NHS: variants seen among roughly 807,000 people sequenced by gnomAD.
NHS encodes the protein NHS actin remodeling regulator, also known as actin remodeling regulator NHS.
Under a neutral mutation model 72.5 loss-of-function variants are expected in NHS, and 5 were observed. The ratio of observed to expected loss-of-function variants is 0.07; its 90% confidence interval spans 0.04 to 0.14. The LOEUF (loss-of-function observed/expected upper bound fraction) is 0.14, where lower values mean the gene tolerates loss of function less well. Among genes scored for constraint, NHS ranks in the 10% least tolerant of loss-of-function variants. The pLI, the probability that NHS is intolerant of heterozygous loss-of-function variation, is 1.00. For synonymous variants in NHS, 464 were observed against 547.7 expected (o/e 0.85, Z 2.13); for missense variants, 1,072 against 1,355.7 (o/e 0.79, Z 3.29).
Position 17,635,624 on chromosome X carries a change from T to C in NHS, c.566-52118T>C, listed in dbSNP as rs185269921. Reference sequence around the variant, plus strand: ...AGGTATTTGGGGTTTGCAGCATTTCTTGGCAAGACAAAGGGGAGGGGGAGG... The same window carrying C: ...AGGTATTTGGGGTTTGCAGCATTTCCTGGCAAGACAAAGGGGAGGGGGAGG... On this transcript the variant is annotated intron_variant, in intron 1 of 8. Transcript: ENST00000676302. The C allele has an allele frequency of 1.3e-4, 147 of 1,161,850 alleles. 1 individual carries two copies. Among genetic ancestry groups the C allele is most frequent in the Non-Finnish European group, 1.5e-4 (128 of 869,054 alleles).
chrX:17,486,773 A>C (rs758813182), intron 1 of NHS, among the ~76,000 whole-genome samples: 14 of 112,289 alleles, frequency 1.2e-4, no homozygotes, highest in Admixed American at 3.8e-4. Flanking sequence ...AATGAGCAAT[A>C]AACAAACTAC....
intron 1 of NHS, among the ~76,000 whole-genome samples, chrX:17,394,043 T>C (rs887546253): frequency 3.6e-5 from 4 of 111,418 alleles, no homozygotes; most frequent in Non-Finnish European, 7.5e-5. Flanking sequence ...GGTCCCTCAC[T>C]GTTTGGTTTG....
At chrX:17,704,305 AT>A (rs1344439785) in intron 3 of NHS, among the ~76,000 whole-genome samples, 3 of 107,251 alleles carry the variant, frequency 2.8e-5, no homozygotes, top group Non-Finnish European at 3.9e-5. Flanking sequence ...TTAAAAAAAA[AT>A]TTTTTTTTGA....
At chrX:17,478,711 A>G (rs934554385) in intron 1 of NHS, among the ~76,000 whole-genome samples, 1 of 111,231 alleles carries the variant, frequency 9.0e-6, no homozygotes, top group African/African-American at 3.3e-5. Flanking sequence ...AAGAATTCCC[A>G]TAGATTAACT....
rs999959527 is a variant in NHS, at chrX:17,672,278, C to T, written c.566-15464C>T. ...TGGAATTGAAGGATGCAGATTCCTT[C>T]CATCTTAGGAATCTACTGTCTTCAG... On this transcript the variant is annotated intron_variant, in intron 1 of 8. Coordinates refer to ENST00000676302, the MANE Select transcript of NHS (RefSeq NM_001291867.2). Among the ~76,000 whole-genome samples, 3 of 111,714 alleles carry T rather than the reference C, an allele frequency of 2.7e-5. No homozygotes were observed. In the South Asian group the frequency reaches 1.1e-3, roughly 43 times the overall value.
At chrX:17,432,594 C>T (rs933317350) in intron 1 of NHS, among the ~76,000 whole-genome samples, 8 of 112,493 alleles carry the variant, frequency 7.1e-5, no homozygotes, top group African/African-American at 9.7e-5. Context: ...AGATGCAACC[C>T]CTTCTCCAGA....
chrX:17,643,919 G>A (rs762999441), intron 1 of NHS, among the ~76,000 whole-genome samples: 37 of 111,853 alleles, frequency 3.3e-4, no homozygotes, highest in African/African-American at 1.2e-3. Flanking sequence ...AAGAGATGGT[G>A]TTTTTCCATG....
chrX:17,509,132 A>G (rs1601739542), intron 1 of NHS, among the ~76,000 whole-genome samples: 1 of 112,014 alleles, frequency 8.9e-6, no homozygotes, highest in South Asian at 3.7e-4. Flanking sequence ...TTAAAGTATC[A>G]GCTGCTCTCC....
chrX:17,438,725 G>T, intron 1 of NHS, among the ~76,000 whole-genome samples: 1 of 111,836 alleles, frequency 8.9e-6, no homozygotes, highest in East Asian at 2.8e-4. Flanking sequence ...TATAAAATGG[G>T]GATGTCTTCA....
intron 1 of NHS, among the ~76,000 whole-genome samples, chrX:17,569,105 G>T (rs931989468): frequency 3.6e-5 from 4 of 111,642 alleles, no homozygotes; most frequent in African/African-American, 1.3e-4. Context: ...TTGCTATTGT[G>T]AATAGTGCTG....
chrX:17,732,176 C>A lies in NHS; in HGVS notation c.4668C>A (p.Ser1556=), dbSNP rs776071173. The change falls in exon 9 of 9, where the codon TCC becomes TCA. Residue 1556 remains serine, a synonymous_variant. Transcript: ENST00000676302. The stretch of plus-strand genomic sequence containing the variant: ...CTCCTGGGGAGCTCACAGCAGAGTC[C>A]CCTCAGAGCACCGATGATGCCCATC... ...PKPPGELTAE[S]PQSTDDAHQG... 8.3e-7 allele frequency: 1 copy of A among 1,210,192 alleles called. No homozygotes were observed. The highest frequency in any genetic ancestry group is 1.7e-5 in the African/African-American group (1 of 57,187).
chrX:17,728,198 A>G lies in NHS; in HGVS notation c.4092A>G (p.Thr1364=). The G allele has an allele frequency of 8.3e-7, 1 of 1,211,693 alleles. No individual in the cohort carries two copies. Among genetic ancestry groups the G allele is most frequent in the Non-Finnish European group, 1.1e-6 (1 of 895,356 alleles). Residue 1364 remains threonine, a synonymous_variant, in exon 7 of 9, where the codon ACA becomes ACG. Coordinates refer to ENST00000676302, the MANE Select transcript of NHS (RefSeq NM_001291867.2). Reference sequence around the variant, plus strand: ...CTATCAGCTATGAATCGGAGATAACATCTGTAAATTCATTCCCTGAAAAAT... The same window carrying G: ...CTATCAGCTATGAATCGGAGATAACGTCTGTAAATTCATTCCCTGAAAAAT... The part of the protein sequence containing the change: ...PGTISYESEI[T]SVNSFPEKCS...
intron 1 of NHS, among the ~76,000 whole-genome samples, chrX:17,663,566 A>G (rs897514598): frequency 8.9e-6 from 1 of 112,253 alleles, no homozygotes; most frequent in Admixed American, 9.5e-5. Flanking sequence ...TCAGTAGTTT[A>G]TTCTTTTTAT....
intron 1 of NHS, among the ~76,000 whole-genome samples, chrX:17,537,873 G>A (rs1273363772): frequency 9.0e-6 from 1 of 111,666 alleles, no homozygotes; most frequent in African/African-American, 3.3e-5. Flanking sequence ...GGCACGCGAC[G>A]CCTGAATTGA....
At position 17,392,230 on chromosome X, in the gene NHS, G is replaced by A. The variant is rs1036569372; in HGVS notation, c.565+15908G>A. Among the ~76,000 whole-genome samples the A allele has an allele frequency of 3.6e-5, 4 of 112,033 alleles. No individual in the cohort carries two copies. The South Asian group carries it at 1.5e-3, about 42-fold the overall frequency. On this transcript the variant is annotated intron_variant, in intron 1 of 8. Coordinates refer to ENST00000676302, the MANE Select transcript of NHS (RefSeq NM_001291867.2). ...CAACAGATGATTCCGAGGCCCTAAG[G>A]GATGGTAGGGCCACCGTATGGAAAG...
In NHS at chrX:17,709,676, G is replaced by A. The variant is rs186102825; in HGVS notation, c.853-9668G>A. On this transcript the variant is annotated intron_variant, in intron 3 of 8. Transcript: ENST00000676302. ...CCAGGGCTGGAGGAATGGAAGGAAGGGGTTGGAGTTATTGGAGCAGCCTGC... is the reference window on the plus strand; with the variant it reads ...CCAGGGCTGGAGGAATGGAAGGAAGAGGTTGGAGTTATTGGAGCAGCCTGC... Among the ~76,000 whole-genome samples the A allele has an allele frequency of 4.2e-4, 47 of 111,758 alleles. 1 individual carries two copies. In the East Asian group the frequency reaches 0.012, roughly 28 times the overall value.
intron 3 of NHS, among the ~76,000 whole-genome samples, chrX:17,714,401 A>G (rs1157351373): frequency 1.8e-5 from 2 of 110,884 alleles, no homozygotes; most frequent in African/African-American, 6.6e-5. Flanking sequence ...GTTCACTGCC[A>G]CTCTTGTACT....
chrX:17,735,295 A>G lies in NHS; in HGVS notation c.*2831A>G, dbSNP rs1383298358. On this transcript the variant is annotated 3_prime_UTR_variant, in exon 9 of 9. Coordinates refer to ENST00000676302, the MANE Select transcript of NHS (RefSeq NM_001291867.2). The stretch of plus-strand genomic sequence containing the variant: ...ATGGCTTGATTACATAGCAAACAAG[A>G]CCAAGATTTAGGGCTGTCTTTAACA... The G allele has an allele frequency of 8.9e-6, 1 of 112,921 alleles. No homozygotes were observed. The highest frequency in any genetic ancestry group is 9.3e-5 in the Admixed American group (1 of 10,697). 9.3% of individuals were successfully genotyped at this position (112,921 alleles called of 1,213,427 possible).
intron 1 of NHS, among the ~76,000 whole-genome samples, chrX:17,596,695 G>A (rs1365699963): frequency 9.0e-6 from 1 of 111,456 alleles, no homozygotes; most frequent in Non-Finnish European, 1.9e-5. Context: ...CTGGAATTTG[G>A]TATATTAGTC....
Sources: allele counts gnomAD v4.1 joint callset (sites outside exome capture counted in the v4.1 genomes callset), GRCh38; gene constraint gnomAD v4.1.1; transcripts MANE v1.5; gene names NCBI Gene and HGNC (gene_info 2026-07-23, HGNC 2026-07-21).